The following RAB39A variants were observed in gnomAD, a reference collection of about 807,000 sequenced individuals.
RAB39A encodes RAB39A, member RAS oncogene family, also known as ras-related protein Rab-39A.
RAB39A carries 17 observed loss-of-function variants against 20.9 expected under a neutral mutation model. That is an observed-to-expected ratio of 0.81 (90% confidence interval 0.56 to 1.22). The LOEUF is 1.22. Ranked by LOEUF, RAB39A falls within the 50% of genes most tolerant of loss-of-function variation. The probability of loss-of-function intolerance (pLI) is 0.00; values close to 1 mark genes in which losing one functional copy is unlikely to be tolerated. For synonymous variants in RAB39A, 99 were observed against 103.4 expected, an observed-to-expected ratio of 0.96 and a Z score of 0.26; for missense variants, 234 against 270.5, an observed-to-expected ratio of 0.87 and a Z score of 0.95.
intron 1 of RAB39A, among the ~76,000 whole-genome samples, chr11:107,931,312 T>A (rs918510801): frequency 3.3e-5 from 5 of 152,202 alleles, no homozygotes; most frequent in African/African-American, 1.2e-4. Context: ...TGAAGAAGAA[T>A]GTAAATAATA....
At chr11:107,945,680 T>C (rs952844027) in intron 1 of RAB39A, among the ~76,000 whole-genome samples, 2 of 152,166 alleles carry the variant, frequency 1.3e-5, no homozygotes, top group African/African-American at 4.8e-5. Flanking sequence ...ATAAGGATCA[T>C]TGAGTGTCAG....
At chr11:107,961,700 T>C (rs1047949452) in intron 1 of RAB39A, among the ~76,000 whole-genome samples, 1 of 152,230 alleles carries the variant, frequency 6.6e-6, no homozygotes, top group Non-Finnish European at 1.5e-5. Context: ...TGAGATGACA[T>C]AGCATGTAAG....
chr11:107,939,371 C>G (rs1183953875), intron 1 of RAB39A, among the ~76,000 whole-genome samples: 1 of 151,080 alleles, frequency 6.6e-6, no homozygotes, highest in African/African-American at 2.4e-5. Context: ...CTTTGGGAGG[C>G]CGAGGCGGGC....
At chr11:107,937,639 G>C (rs1429058920) in intron 1 of RAB39A, among the ~76,000 whole-genome samples, 3 of 151,740 alleles carry the variant, frequency 2.0e-5, no homozygotes, top group African/African-American at 7.3e-5. Flanking sequence ...GGGTTCAAGT[G>C]ATTCTCCTGC....
At chr11:107,959,648 A>G (rs1861475447) in intron 1 of RAB39A, among the ~76,000 whole-genome samples, 1 of 152,022 alleles carries the variant, frequency 6.6e-6, no homozygotes, top group East Asian at 1.9e-4. Flanking sequence ...AAGCAGGAGA[A>G]ATAGAAAGAA....
At chr11:107,957,416 A>G (rs115205435) in intron 1 of RAB39A, among the ~76,000 whole-genome samples, 546 of 152,316 alleles carry the variant, frequency 3.6e-3, no homozygotes, top group African/African-American at 0.012. Flanking sequence ...TCCTGATCCT[A>G]GAGAATGGGC....
chr11:107,959,341 T>C (rs551130499), intron 1 of RAB39A, among the ~76,000 whole-genome samples: 95 of 152,256 alleles, frequency 6.2e-4, no homozygotes, highest in African/African-American at 2.2e-3. Flanking sequence ...CTTAATTAGA[T>C]TTCTCTTAAG....
intron 1 of RAB39A, among the ~76,000 whole-genome samples, chr11:107,948,215 A>G (rs1192498502): frequency 6.6e-6 from 1 of 152,228 alleles, no homozygotes; most frequent in Non-Finnish European, 1.5e-5. Flanking sequence ...TAATGGAAAT[A>G]AACGTCTTAC....
At chr11:107,937,394 C>T (rs1275820186) in intron 1 of RAB39A, among the ~76,000 whole-genome samples, 1 of 152,142 alleles carries the variant, frequency 6.6e-6, no homozygotes, top group Non-Finnish European at 1.5e-5. Flanking sequence ...CCCTCCTTGG[C>T]CTCCCAAAGT....
chr11:107,930,375 CTCAA>C (rs1402018216), intron 1 of RAB39A, among the ~76,000 whole-genome samples: 1 of 152,094 alleles, frequency 6.6e-6, no homozygotes, highest in Non-Finnish European at 1.5e-5. Context: ...CACATGTGAT[CTCAA>C]TCAGAGGTAA....
chr11:107,929,102 A>G (rs1217167980), intron 1 of RAB39A, among the ~76,000 whole-genome samples: 1 of 151,458 alleles, frequency 6.6e-6, no homozygotes, highest in Non-Finnish European at 1.5e-5. Flanking sequence ...CCCTGTGGGT[A>G]TTTTTATCCC....
At position 107,940,358 on chromosome 11, in the gene RAB39A, G is replaced by A. The variant is rs181396135; in HGVS notation, c.227+11563G>A. ...CGGCTTTCTGCAACCTCTGTCTCCC[G>A]GTTCAAGCAATCCTACCACCTCAGC... On this transcript the variant is annotated intron_variant, in intron 1 of 1. Coordinates refer to ENST00000320578, the MANE Select transcript of RAB39A (RefSeq NM_017516.3). 7.1e-3 allele frequency among the ~76,000 whole-genome samples: 1,075 copies of A among 151,860 alleles called. 4 individuals carry two copies. The highest frequency in any genetic ancestry group is 0.012 in the Non-Finnish European group (808 of 67,976).
rs756124351 is a variant in RAB39A at position 107,961,957 on chromosome 11, G to A, written c.239G>A (p.Arg80Gln). The part of the protein sequence containing the change: ...AGQERFRSIT[R>Q]SYYRNSVGGF... The stretch of plus-strand genomic sequence containing the variant: ...TCTTCATTTTTCAGATCAATAACCC[G>A]ATCTTATTACCGCAACTCAGTTGGT... Residue 80 changes from arginine (R) to glutamine (Q), a missense_variant, in exon 2 of 2, where the codon CGA becomes CAA. Transcript: ENST00000320578. 1.3e-5 allele frequency: 21 copies of A among 1,608,740 alleles called. No individual in the cohort carries two copies. The highest frequency in any genetic ancestry group is 1.1e-4 in the African/African-American group (8 of 74,752).
At chr11:107,930,497 AC>A (rs1366878191) in intron 1 of RAB39A, among the ~76,000 whole-genome samples, 1 of 152,226 alleles carries the variant, frequency 6.6e-6, no homozygotes, top group African/African-American at 2.4e-5. Context: ...TCTAACAGCT[AC>A]TTTGAGTTGC....
chr11:107,949,912 C>T (rs1861357824), intron 1 of RAB39A, among the ~76,000 whole-genome samples: 1 of 152,152 alleles, frequency 6.6e-6, no homozygotes, highest in Non-Finnish European at 1.5e-5. Flanking sequence ...GTGGCTCACA[C>T]CTGTAATCCC....
chr11:107,938,787 A>G (rs1258396596), intron 1 of RAB39A, among the ~76,000 whole-genome samples: 1 of 151,808 alleles, frequency 6.6e-6, no homozygotes, highest in Non-Finnish European at 1.5e-5. Context: ...GTGTCTACTC[A>G]GAGCATTCAG....
At position 107,936,920 on chromosome 11, in the gene RAB39A, C is replaced by T. The variant is rs552897761; in HGVS notation, c.227+8125C>T. On this transcript the variant is annotated intron_variant, in intron 1 of 1. Transcript: ENST00000320578. ...CTGCTCTCCAGCCTGGGTGACAGAG[C>T]GAGACTCCCCCTCCAAAAAAAAAAA... is the stretch of plus-strand genomic sequence containing the variant. Among the ~76,000 whole-genome samples the T allele has an allele frequency of 7.9e-5, 11 of 139,184 alleles. No individual in the cohort carries two copies. The South Asian group carries it at 2.1e-3, about 27-fold the overall frequency. 91.3% of individuals were successfully genotyped at this position (139,184 alleles called of 152,430 possible). A position where few individuals can be genotyped will look rare whatever the true frequency, so the allele number is the denominator to read the frequency against.
At chr11:107,954,907 C>T (rs1235552614) in intron 1 of RAB39A, among the ~76,000 whole-genome samples, 3 of 149,650 alleles carry the variant, frequency 2.0e-5, no homozygotes, top group Non-Finnish European at 3.0e-5. Context: ...TACCATCAGG[C>T]ATTTAGTCTC....
intron 1 of RAB39A, among the ~76,000 whole-genome samples, chr11:107,929,467 G>A (rs1861115466): frequency 6.6e-6 from 1 of 150,914 alleles, no homozygotes; most frequent in African/African-American, 2.5e-5. Flanking sequence ...CAACATCAGG[G>A]ACACTGGCAC....
Sources: gnomAD v4.1 joint callset for allele counts (sites outside exome capture counted in the v4.1 genomes callset) on GRCh38, gnomAD v4.1.1 for gene constraint, MANE v1.5 for transcripts, NCBI Gene and HGNC (gene_info 2026-07-23, HGNC 2026-07-21) for gene names.